The following COLEC12 variants were observed in gnomAD, a reference collection of about 807,000 sequenced individuals.
COLEC12 encodes the protein collectin-12.
COLEC12 carries 33 observed loss-of-function variants against 71.1 expected under a neutral mutation model. The observed-to-expected ratio is 0.46, with a 90% CI of 0.35 to 0.62. COLEC12 has a LOEUF of 0.62. COLEC12 is among the 20% of genes least tolerant of loss of function. The probability of loss-of-function intolerance (pLI) is 0.00; values close to 1 mark genes in which losing one functional copy is unlikely to be tolerated. For synonymous variants in COLEC12, 350 were observed against 353.0 expected (o/e 0.99, Z 0.10); for missense variants, 765 against 916.1 (o/e 0.84, Z 2.13).
At chr18:323,955 C>T (rs1162662195) in intron 8 of COLEC12, among the ~76,000 whole-genome samples, 1 of 152,112 alleles carries the variant, frequency 6.6e-6, no homozygotes, top group Non-Finnish European at 1.5e-5. Context: ...TATCGCCTTT[C>T]TCCATTTGTT....
At chr18:463,543 T>C (rs1917025222) in intron 2 of COLEC12, among the ~76,000 whole-genome samples, 1 of 152,132 alleles carries the variant, frequency 6.6e-6, no homozygotes, top group African/African-American at 2.4e-5. Flanking sequence ...AGTGTGGGGA[T>C]TCCTGTGGGG....
At chr18:349,834 C>A (rs1914469471) in intron 3 of COLEC12, among the ~76,000 whole-genome samples, 2 of 152,278 alleles carry the variant, frequency 1.3e-5, no homozygotes, top group South Asian at 4.2e-4. Context: ...GGCCTGTAAC[C>A]CCTCTGTTTT....
intron 2 of COLEC12, among the ~76,000 whole-genome samples, chr18:375,526 G>C (rs1471843462): frequency 6.6e-6 from 1 of 151,988 alleles, no homozygotes; most frequent in Non-Finnish European, 1.5e-5. Context: ...TCATTATGTT[G>C]CCCAGGCTGG....
intron 1 of COLEC12, among the ~76,000 whole-genome samples, chr18:493,919 G>C (rs149551703): frequency 4.0e-5 from 6 of 151,788 alleles, no homozygotes; most frequent in African/African-American, 1.5e-4. Context: ...GGATAAAACC[G>C]GACACTGGAT....
At chr18:404,242 G>A (rs1219541044) in intron 2 of COLEC12, among the ~76,000 whole-genome samples, 1 of 152,034 alleles carries the variant, frequency 6.6e-6, no homozygotes, top group Non-Finnish European at 1.5e-5. Flanking sequence ...GTTTTTCAAA[G>A]TTTGGGAAAA....
chr18:321,552 G>T, intron 9 of COLEC12, 110 bp downstream of exon 9: 1 of 1,172,042 alleles, frequency 8.5e-7, no homozygotes, highest in Non-Finnish European at 1.2e-6. Context: ...CATAACCAGG[G>T]CTGAAACCTA....
At chr18:383,737 G>C (rs576003620) in intron 2 of COLEC12, among the ~76,000 whole-genome samples, 2 of 152,148 alleles carry the variant, frequency 1.3e-5, no homozygotes, top group African/African-American at 4.8e-5. Context: ...CCAGAACAGT[G>C]GTTGTATTAG....
chr18:459,817 GT>G (rs1444827682), intron 2 of COLEC12, among the ~76,000 whole-genome samples: 1 of 152,210 alleles, frequency 6.6e-6, no homozygotes, highest in African/African-American at 2.4e-5. Context: ...TGCTCATACG[GT>G]TAACCCTGAA....
rs965507903 is a variant in COLEC12, at chr18:328,635, A to G, written c.2063+3033T>C. On this transcript the variant is annotated intron_variant, in intron 8 of 9. Coordinates refer to ENST00000400256, the MANE Select transcript of COLEC12 (RefSeq NM_130386.3). ...AAGCCCTCGACTAAATGCTTTGCAT[A>G]CAGCTATCACACTTTATTTTCACAA... Among the ~76,000 whole-genome samples the G allele has an allele frequency of 1.3e-5, 2 of 152,232 alleles. 1 individual carries two copies. The highest frequency in any genetic ancestry group is 3.8e-4 in the East Asian group (2 of 5,204).
At chr18:435,224 C>T (rs1916380695) in intron 2 of COLEC12, among the ~76,000 whole-genome samples, 1 of 152,210 alleles carries the variant, frequency 6.6e-6, no homozygotes, top group East Asian at 1.9e-4. Flanking sequence ...AGTCCATTCT[C>T]ACACTGCTAT....
chr18:408,837 T>A lies in COLEC12; in HGVS notation c.59-51315A>T, dbSNP rs114297464. 6.2e-3 allele frequency among the ~76,000 whole-genome samples: 938 copies of A among 152,276 alleles called. 10 individuals carry two copies. Among genetic ancestry groups the A allele is most frequent in the African/African-American group, 0.021 (891 of 41,546 alleles). On this transcript the variant is annotated intron_variant, in intron 2 of 9. Coordinates refer to ENST00000400256, the MANE Select transcript of COLEC12 (RefSeq NM_130386.3). The surrounding 1 kb of genome is among the most constrained non-coding windows in gnomAD (Gnocchi z 4.3). ...CCATACTTATTTAATTTTTAATTTT[T>A]ATTTTTTATTTTTTTGAGATAGTCT...
rs569393254 is a variant in COLEC12 at position 367,297 on chromosome 18, T to G, written c.59-9775A>C. ...GACACAGTGTCGGGGCATGTGAAAA[T>G]TATGCTGCTGAGCAGGTGCTGGCAA... On this transcript the variant is annotated intron_variant, in intron 2 of 9. Coordinates refer to ENST00000400256, the MANE Select transcript of COLEC12 (RefSeq NM_130386.3). Among the ~76,000 whole-genome samples, 33 of 152,130 alleles carry G rather than the reference T, an allele frequency of 2.2e-4. No individual in the cohort carries two copies. The South Asian group carries it at 6.8e-3, about 32-fold the overall frequency.
Position 392,381 on chromosome 18 carries a change from C to T in COLEC12, c.59-34859G>A, listed in dbSNP as rs978831284. On this transcript the variant is annotated intron_variant, in intron 2 of 9. Coordinates refer to ENST00000400256, the MANE Select transcript of COLEC12 (RefSeq NM_130386.3). ...CACCGAACATCCATGCTAACTTGAT[C>T]AAGCCTTAGTTTTCCCATCTATAAT... Among the ~76,000 whole-genome samples, 5 of 152,200 alleles carry T rather than the reference C, an allele frequency of 3.3e-5. No homozygotes were observed. The South Asian group carries it at 6.2e-4, about 19-fold the overall frequency.
At chr18:325,059 A>G (rs1293602714) in intron 8 of COLEC12, among the ~76,000 whole-genome samples, 1 of 151,834 alleles carries the variant, frequency 6.6e-6, no homozygotes, top group Non-Finnish European at 1.5e-5. Context: ...CAGGTATGGT[A>G]GCTGATGCCA....
At chr18:465,090 A>G (rs1238621299) in intron 2 of COLEC12, among the ~76,000 whole-genome samples, 1 of 152,122 alleles carries the variant, frequency 6.6e-6, no homozygotes, top group African/African-American at 2.4e-5. Context: ...AACAGACTTA[A>G]ACAAAATTGT....
chr18:401,984 G>C (rs1215284021), intron 2 of COLEC12, among the ~76,000 whole-genome samples: 1 of 152,128 alleles, frequency 6.6e-6, no homozygotes, highest in Non-Finnish European at 1.5e-5. Context: ...TATACTTTAA[G>C]GCACTAACCT....
At chr18:428,523 C>T (rs534284194) in intron 2 of COLEC12, among the ~76,000 whole-genome samples, 51 of 152,290 alleles carry the variant, frequency 3.3e-4, no homozygotes, top group African/African-American at 1.2e-3. Flanking sequence ...ATGGCTCAAC[C>T]ATCTGCTATT....
intron 9 of COLEC12, 127 bp from the exon 10 acceptor site, chr18:320,191 AT>A (rs2143397720): frequency 1.7e-6 from 1 of 580,656 alleles, no homozygotes; most frequent in African/African-American, 2.0e-5. Flanking sequence ...CAATGCTTAT[AT>A]TTTCAAAGAA....
At chr18:459,061 C>G (rs1916927976) in intron 2 of COLEC12, among the ~76,000 whole-genome samples, 1 of 152,154 alleles carries the variant, frequency 6.6e-6, no homozygotes, top group Non-Finnish European at 1.5e-5. Context: ...CTGTGTTGTC[C>G]AGGCTGGTCT....
Sources: allele counts gnomAD v4.1 joint callset (sites outside exome capture counted in the v4.1 genomes callset), GRCh38; gene constraint gnomAD v4.1.1; non-coding constraint Gnocchi (gnomAD v3.1); transcripts MANE v1.5; gene names NCBI Gene and HGNC (gene_info 2026-07-23, HGNC 2026-07-21).